PIAS4: variants seen among roughly 807,000 people sequenced by gnomAD.
The protein encoded by PIAS4 is E3 SUMO-protein ligase PIAS4.
In PIAS4, 7 loss-of-function variants were observed where a neutral mutation model predicts 58.0. The ratio of observed to expected loss-of-function variants is 0.12; its 90% CI spans 0.07 to 0.23. The LOEUF is 0.23. Among genes scored for constraint, PIAS4 ranks in the 10% least tolerant of loss-of-function variants. PIAS4 has a pLI of 1.00. For missense variants in PIAS4, 550 were observed against 709.5 expected, an observed-to-expected ratio of 0.78 and a Z score of 2.55; for synonymous variants, 364 against 312.4, an observed-to-expected ratio of 1.17 and a Z score of -1.74.
chr19:4,016,606 C>T (rs1331787342), intron 2 of PIAS4, among the ~76,000 whole-genome samples: 1 of 152,204 alleles, frequency 6.6e-6, no homozygotes, highest in East Asian at 1.9e-4. Flanking sequence ...TAGCAGGAGC[C>T]ATTTACTCTA....
In PIAS4 at chr19:4,028,616, C is replaced by T. The variant is rs949007114; in HGVS notation, c.672+16C>T. The T allele has an allele frequency of 1.2e-5, 19 of 1,611,570 alleles. No individual in the cohort carries two copies. The highest frequency in any genetic ancestry group is 8.3e-5 in the Admixed American group (5 of 59,922). On this transcript the variant is annotated intron_variant, in intron 5 of 10. Coordinates refer to ENST00000262971, the MANE Select transcript of PIAS4 (RefSeq NM_015897.4). ...CTCCGTCCCGGTGAGCATGCCCCGC[C>T]CCCGCGTCGGCTGCACGGGTTTGGG...
chr19:4,033,408 C>T lies in PIAS4; in HGVS notation c.982-12C>T, dbSNP rs1397917741. 1.3e-6 allele frequency: 2 copies of T among 1,547,214 alleles called. No homozygotes were observed. The highest frequency in any genetic ancestry group is 1.7e-6 in the Non-Finnish European group (2 of 1,146,598). ...GGAGGGGTGCCCTGCTCACGCAGCC[C>T]CTCCCCCACAGCTGGTGAAGATGCG... On this transcript the variant is annotated splice_polypyrimidine_tract_variant and intron_variant, in intron 8 of 10. Coordinates refer to ENST00000262971, the MANE Select transcript of PIAS4 (RefSeq NM_015897.4).
intron 9 of PIAS4, 26 bp downstream of exon 9, chr19:4,033,606 G>A (rs559385733): frequency 5.7e-6 from 9 of 1,567,266 alleles, no homozygotes; most frequent in East Asian, 2.3e-5. Context: ...CGGGGAGGGC[G>A]GCCGGAGCCG....
chr19:4,034,857 C>T (rs1042781328), intron 9 of PIAS4, among the ~76,000 whole-genome samples: 5 of 152,186 alleles, frequency 3.3e-5, no homozygotes, highest in Admixed American at 1.3e-4. Context: ...GTTCCATGAG[C>T]CCTATCACCT....
rs2289865 is a variant in PIAS4 at position 4,013,324 on chromosome 19, T to C, written c.429T>C (p.Asp143=). The change falls in exon 2 of 11, where the codon GAT becomes GAC. Residue 143 remains aspartate, a synonymous_variant. Transcript: ENST00000262971. This position sits in a 1 kb window ranked among gnomAD's most constrained non-coding sequence, Gnocchi z 5.1. ...LVKLPFFNML[D]ELLKPTELVP... is the part of the protein sequence containing the mutation. ...AGCTGCCGTTCTTTAATATGCTGGA[T>C]GAGCTGCTGAAGCCCACCGAATTAG... 505,252 of 1,612,514 alleles carry C rather than the reference T, an allele frequency of 0.31. 81,899 individuals carry two copies. The highest frequency in any genetic ancestry group is 0.42 in the African/African-American group (31,799 of 74,934).
chr19:4,008,623 C>T (rs1359208915), intron 1 of PIAS4, among the ~76,000 whole-genome samples: 7 of 152,056 alleles, frequency 4.6e-5, no homozygotes, highest in African/African-American at 1.5e-4. Context: ...TGCTTTGGTC[C>T]TACCTCGTTC....
At chr19:4,030,517 GC>G (rs1158026416) in intron 7 of PIAS4, among the ~76,000 whole-genome samples, 1 of 152,008 alleles carries the variant, frequency 6.6e-6, no homozygotes, top group Non-Finnish European at 1.5e-5. Flanking sequence ...TACTCGGGAG[GC>G]TGAGGCAGGA....
At chr19:4,033,643 C>T in intron 9 of PIAS4, 63 bp downstream of exon 9, 1 of 1,384,470 alleles carries the variant, frequency 7.2e-7, no homozygotes, top group South Asian at 1.3e-5. Flanking sequence ...TCGGTGGCAC[C>T]CCGCTTCCTG....
chr19:4,029,666 A>T (rs190497956), intron 7 of PIAS4, among the ~76,000 whole-genome samples: 81 of 152,124 alleles, frequency 5.3e-4, no homozygotes, highest in African/African-American at 1.8e-3. Flanking sequence ...CCTCAAAAAA[A>T]AAAGTGTCTC....
rs571175295 is a variant in PIAS4 at position 4,024,663 on chromosome 19, G to A, written c.539+543G>A. ...CCTGAATTGGAGGGGGAGAAAGTAGGTGAATCCCAGGAGCTGGGGGTCCCC... is the reference window on the plus strand; with the variant it reads ...CCTGAATTGGAGGGGGAGAAAGTAGATGAATCCCAGGAGCTGGGGGTCCCC... On this transcript the variant is annotated intron_variant, in intron 3 of 10. Coordinates refer to ENST00000262971, the MANE Select transcript of PIAS4 (RefSeq NM_015897.4). 4.6e-5 allele frequency among the ~76,000 whole-genome samples: 7 copies of A among 152,270 alleles called. No individual in the cohort carries two copies. The South Asian group carries it at 1.5e-3, about 32-fold the overall frequency.
chr19:4,011,470 C>T (rs902108404), intron 1 of PIAS4, among the ~76,000 whole-genome samples: 3 of 152,254 alleles, frequency 2.0e-5, no homozygotes, highest in African/African-American at 7.2e-5. Flanking sequence ...GTCAGCTGGG[C>T]TCTGCTGTTT....
intron 3 of PIAS4, 36 bp downstream of exon 3, chr19:4,024,156 C>G (rs74172616): frequency 6.8e-7 from 1 of 1,479,180 alleles, no homozygotes; most frequent in Non-Finnish European, 9.5e-7. Flanking sequence ...CACCCCACCG[C>G]CCGCCCACCC....
At chr19:4,024,609 C>T (rs1026131807) in intron 3 of PIAS4, among the ~76,000 whole-genome samples, 1 of 152,168 alleles carries the variant, frequency 6.6e-6, no homozygotes, top group South Asian at 2.1e-4. Flanking sequence ...GCTGAGGTCC[C>T]AGAAGGCTGC....
At chr19:4,007,925 C>G in intron 1 of PIAS4, 138 bp downstream of exon 1, 1 of 545,918 alleles carries the variant, frequency 1.8e-6, no homozygotes, top group Non-Finnish European at 2.6e-6. Flanking sequence ...CCCCCAGACC[C>G]CGACCCCCGG....
intron 1 of PIAS4, among the ~76,000 whole-genome samples, chr19:4,008,633 C>T (rs1022795185): frequency 1.3e-5 from 2 of 152,068 alleles, no homozygotes; most frequent in African/African-American, 4.8e-5. Context: ...CTACCTCGTT[C>T]CTCTCGGGAC....
chr19:4,014,568 C>A (rs921523964), intron 2 of PIAS4, among the ~76,000 whole-genome samples: 1 of 152,204 alleles, frequency 6.6e-6, no homozygotes, highest in Non-Finnish European at 1.5e-5. Flanking sequence ...CCTGCCCCCA[C>A]TCTTTCCTTC....
At chr19:4,018,214 C>T (rs900551269) in intron 2 of PIAS4, among the ~76,000 whole-genome samples, 2 of 152,238 alleles carry the variant, frequency 1.3e-5, no homozygotes, top group African/African-American at 2.4e-5. Flanking sequence ...GCAGTCCGGC[C>T]GGCGCCCTGC....
Position 4,028,798 on chromosome 19 carries a change from C to T in PIAS4, c.751C>T (p.Leu251=). 1 of 1,613,652 alleles carries T rather than the reference C, an allele frequency of 6.2e-7. No individual in the cohort carries two copies. Among genetic ancestry groups the T allele is most frequent in the Non-Finnish European group, 8.5e-7 (1 of 1,179,940 alleles). ...RPINLTHLMY[L]SSATNRITVT... ...CATCAACCTCACCCACCTCATGTACCTGTCCTCGGCCACCAACCGCATCAC... is the reference window on the plus strand; with the variant it reads ...CATCAACCTCACCCACCTCATGTACTTGTCCTCGGCCACCAACCGCATCAC... Residue 251 remains leucine, a synonymous_variant, in exon 6 of 11, where the codon CTG becomes TTG. Transcript: ENST00000262971.
At chr19:4,036,379 TAC>T (rs1167464438) in intron 9 of PIAS4, among the ~76,000 whole-genome samples, 1 of 111,876 alleles carries the variant, frequency 8.9e-6, no homozygotes, top group Non-Finnish European at 1.9e-5. Context: ...CACACCGTCA[TAC>T]ACACACACGT....
Sources: gnomAD v4.1 joint callset for allele counts (sites outside exome capture counted in the v4.1 genomes callset) on GRCh38, gnomAD v4.1.1 for gene constraint, Gnocchi (gnomAD v3.1) non-coding constraint, MANE v1.5 for transcripts, NCBI Gene and HGNC (gene_info 2026-07-23, HGNC 2026-07-21) for gene names.